Variants in INPP5F observed in about 807,000 individuals in gnomAD.
INPP5F encodes phosphatidylinositide 4-phosphatase SAC2.
Under a neutral mutation model 137.2 loss-of-function variants are expected in INPP5F, and 97 were observed. The observed-to-expected ratio is 0.71, with a 90% CI of 0.60 to 0.84. The LOEUF (loss-of-function observed/expected upper bound fraction) is 0.84. Among genes scored for constraint, INPP5F ranks in the 40% least tolerant of loss-of-function variants. The pLI is 0.00. For synonymous variants in INPP5F, 504 were observed against 476.9 expected (o/e 1.06, Z -0.74); for missense variants, 1,271 against 1,371.9 (o/e 0.93, Z 1.16).
chr10:119,797,872 C>T (rs1174349635), intron 8 of INPP5F, among the ~76,000 whole-genome samples: 1 of 152,078 alleles, frequency 6.6e-6, no homozygotes, highest in African/African-American at 2.4e-5. Context: ...AACGGCTTAC[C>T]TCAGAGATTT....
chr10:119,737,264 A>G (rs141327201), intron 1 of INPP5F, among the ~76,000 whole-genome samples: 272 of 152,240 alleles, frequency 1.8e-3, no homozygotes, highest in African/African-American at 6.0e-3. Flanking sequence ...ATCTTTATGC[A>G]GTTTGTATTA....
intron 8 of INPP5F, among the ~76,000 whole-genome samples, chr10:119,798,121 T>A (rs1038213438): frequency 6.6e-6 from 1 of 152,120 alleles, no homozygotes; most frequent in African/African-American, 2.4e-5. Flanking sequence ...AGCTAAGTCA[T>A]TTAAATCTAA....
intron 8 of INPP5F, among the ~76,000 whole-genome samples, 172 bp from the exon 9 acceptor site, chr10:119,798,371 A>G (rs927023973): frequency 6.6e-6 from 1 of 152,048 alleles, no homozygotes; most frequent in Non-Finnish European, 1.5e-5. Context: ...GTGTAACTGG[A>G]AAAAAAATCA....
chr10:119,740,204 G>GT (rs1221921893), intron 1 of INPP5F, among the ~76,000 whole-genome samples: 1 of 152,150 alleles, frequency 6.6e-6, no homozygotes, highest in East Asian at 1.9e-4. Flanking sequence ...TCCCAAGCAT[G>GT]TTTTTACCTC....
At chr10:119,777,474 C>T (rs765081433) in intron 2 of INPP5F, among the ~76,000 whole-genome samples, 45 of 152,040 alleles carry the variant, frequency 3.0e-4, no homozygotes, top group Non-Finnish European at 3.8e-4. Flanking sequence ...TGCAGTAAGC[C>T]GAGATTGCGC....
intron 1 of INPP5F, among the ~76,000 whole-genome samples, chr10:119,727,578 G>A (rs1333056597): frequency 2.0e-5 from 3 of 152,210 alleles, no homozygotes; most frequent in African/African-American, 7.2e-5. Context: ...TTTTGGGCAG[G>A]CCCCACTGCT....
At chr10:119,804,323 T>A (rs371252330) in intron 10 of INPP5F, 26 bp downstream of exon 10, 2 of 1,579,602 alleles carry the variant, frequency 1.3e-6, no homozygotes, top group African/African-American at 1.4e-5. Flanking sequence ...GAGAATAGTG[T>A]TGATCAATTG....
At chr10:119,792,069 A>C (rs2289306) in intron 5 of INPP5F, 33 bp downstream of exon 5, 727,169 of 1,613,874 alleles carry the variant, frequency 0.45, 168,671 homozygotes, top group South Asian at 0.67. Flanking sequence ...CAGGGTTTGC[A>C]CTTGGGAAGA....
At chr10:119,739,654 G>T (rs777206361) in intron 1 of INPP5F, among the ~76,000 whole-genome samples, 2 of 151,976 alleles carry the variant, frequency 1.3e-5, no homozygotes, top group Non-Finnish European at 2.9e-5. Context: ...TTTTGAGATA[G>T]GGTCTTCATT....
chr10:119,811,079 C>T (rs768180565), intron 14 of INPP5F, among the ~76,000 whole-genome samples: 2 of 152,190 alleles, frequency 1.3e-5, no homozygotes, highest in Admixed American at 6.5e-5. Context: ...TACTTCCATT[C>T]GTTGACCTAG....
intron 8 of INPP5F, 96 bp from the exon 9 acceptor site, chr10:119,798,447 C>G (rs896989923): frequency 1.3e-6 from 1 of 799,620 alleles, no homozygotes; most frequent in South Asian, 1.8e-5. Flanking sequence ...TTTGGGCTGT[C>G]AATAAATTAT....
chr10:119,819,798 G>C (rs1379486532), intron 15 of INPP5F: 1 of 318,110 alleles, frequency 3.1e-6, no homozygotes, highest in African/African-American at 2.1e-5. Flanking sequence ...CTACAACGAG[G>C]TGTCTCTGAT....
chr10:119,774,261 C>CA (rs572329987), intron 2 of INPP5F, among the ~76,000 whole-genome samples: 1,788 of 81,404 alleles, frequency 0.022, 15 homozygotes, highest in East Asian at 0.036. Flanking sequence ...ACTCAGTCTC[C>CA]AAAAAAAAAA....
intron 15 of INPP5F, among the ~76,000 whole-genome samples, chr10:119,812,681 CTG>C (rs554966863): frequency 2.6e-4 from 40 of 152,186 alleles, no homozygotes; most frequent in Middle Eastern, 3.4e-3. Flanking sequence ...AAAACGTTGA[CTG>C]TGGATTCATA....
chr10:119,737,922 G>T (rs1370727568), intron 1 of INPP5F, among the ~76,000 whole-genome samples: 9 of 151,878 alleles, frequency 5.9e-5, no homozygotes, highest in Admixed American at 5.2e-4. Context: ...TTAAGACACA[G>T]TGAAAGTGCC....
At position 119,826,703 on chromosome 10, in the gene INPP5F, G is replaced by C; in HGVS notation, c.2322G>C (p.Lys774Asn). The C allele has an allele frequency of 1.2e-6, 2 of 1,612,612 alleles. No homozygotes were observed. The highest frequency in any genetic ancestry group is 1.7e-6 in the Non-Finnish European group (2 of 1,179,632). The part of the protein sequence containing the change: ...SQNQGSLAQG[K>N]NFLMSKFSSL... ...ACCAAGGTTCTTTGGCCCAGGGAAAGAATTTTTTAATGAGCAAATTTTCAT... is the reference window on the plus strand; with the variant it reads ...ACCAAGGTTCTTTGGCCCAGGGAAACAATTTTTTAATGAGCAAATTTTCAT... The change falls in exon 20 of 20, where the codon AAG becomes AAC. Residue 774 changes from lysine (K) to asparagine (N), a missense_variant. Physicochemically the swap from Lys to Asn is moderately conservative, Grantham distance 94. This residue lies in a region of INPP5F where 490 missense variants were observed against 443.7 expected (regional missense o/e 1.10). Transcript: ENST00000650623.
intron 15 of INPP5F, chr10:119,819,723 A>G (rs923299467): frequency 1.9e-5 from 8 of 421,360 alleles, no homozygotes; most frequent in Non-Finnish European, 3.4e-5. Flanking sequence ...GTATTTTTTG[A>G]TATATTATTG....
At chr10:119,820,285 G>A (rs977480108) in intron 15 of INPP5F, among the ~76,000 whole-genome samples, 3 of 152,160 alleles carry the variant, frequency 2.0e-5, no homozygotes, top group Non-Finnish European at 2.9e-5. Flanking sequence ...ATGGAATAAG[G>A]AAGTGTTTGT....
intron 13 of INPP5F, 58 bp from the exon 14 acceptor site, chr10:119,810,042 T>A (rs531705584): frequency 2.1e-5 from 20 of 955,646 alleles, no homozygotes; most frequent in Non-Finnish European, 3.2e-5. Flanking sequence ...GCCCACAATT[T>A]ATTTTGGGGG....
Sources: allele counts gnomAD v4.1 joint callset (sites outside exome capture counted in the v4.1 genomes callset), GRCh38; gene constraint gnomAD v4.1.1; regional missense constraint gnomAD v4.1.1; transcripts MANE v1.5; gene names NCBI Gene and HGNC (gene_info 2026-07-23, HGNC 2026-07-21).